MPO: variants seen among roughly 807,000 people sequenced by gnomAD.
MPO encodes myeloperoxidase.
Under a neutral mutation model 69.4 loss-of-function variants are expected in MPO, and 57 were observed. The observed-to-expected ratio is 0.82, with a 90% confidence interval of 0.66 to 1.02. MPO has a LOEUF of 1.02. Among genes scored for constraint, MPO ranks in the 50% least tolerant of loss-of-function variants. The pLI, the probability that MPO is intolerant of heterozygous loss-of-function variation, is 0.00. For synonymous variants in MPO, 426 were observed against 417.1 expected, an observed-to-expected ratio of 1.02 and a Z score of -0.26; for missense variants, 971 against 1,014.1, an observed-to-expected ratio of 0.96 and a Z score of 0.58.
Position 58,271,822 on chromosome 17 carries a change from C to T in MPO, c.1863G>A (p.Leu621=). ...PETVGQLGTV[L]RNLKLARKLM... ...GTTTCCTCGCCAATTTCAGGTTCCT[C>T]AGCACCGTGCCCAGCTGGCCCACAG... The change falls in exon 11 of 12, where the codon CTG becomes CTA. Residue 621 remains leucine (L), a synonymous_variant. Coordinates refer to ENST00000225275, the MANE Select transcript of MPO (RefSeq NM_000250.2). The T allele has an allele frequency of 6.2e-7, 1 of 1,614,234 alleles. No homozygotes were observed. The highest frequency in any genetic ancestry group is 8.5e-7 in the Non-Finnish European group (1 of 1,180,050).
At chr17:58,278,915 G>A (rs1230577465) in intron 6 of MPO, 93 bp downstream of exon 6, 1 of 1,437,756 alleles carries the variant, frequency 7.0e-7, no homozygotes, top group African/African-American at 1.4e-5. Context: ...CTCAGCGTCT[G>A]GGAAAGGAAA....
chr17:58,278,867 C>A, intron 6 of MPO, 141 bp downstream of exon 6: 2 of 1,026,966 alleles, frequency 1.9e-6, no homozygotes, highest in Non-Finnish European at 2.9e-6. Flanking sequence ...AGCTGAGCAG[C>A]CAGTGCTGTG....
At chr17:58,271,200 G>A (rs906232017) in intron 11 of MPO, among the ~76,000 whole-genome samples, 22 of 152,280 alleles carry the variant, frequency 1.4e-4, no homozygotes, top group African/African-American at 5.1e-4. Context: ...AGAGAATCTT[G>A]GGGGTGGTTT....
At position 58,279,150 on chromosome 17, in the gene MPO, C is replaced by A. The variant is rs757797973; in HGVS notation, c.743G>T (p.Arg248Leu). Reference sequence around the variant, plus strand: ...GCCCCATTGCATGAACATGAGTGAGCGCTCCTGGTCCGGAGTCAGCTGATC... The same window carrying A: ...GCCCCATTGCATGAACATGAGTGAGAGCTCCTGGTCCGGAGTCAGCTGATC... Reference protein sequence around the residue: ...PTDQLTPDQERSLMFMQWGQL... With the variant: ...PTDQLTPDQELSLMFMQWGQL... Residue 248 changes from arginine to leucine, a missense_variant, in exon 6 of 12, where the codon CGC (arginine) becomes CTC (leucine). Transcript: ENST00000225275. 1 of 1,612,534 alleles carries A rather than the reference C, an allele frequency of 6.2e-7. No individual in the cohort carries two copies. Among genetic ancestry groups the A allele is most frequent in the Admixed American group, 1.7e-5 (1 of 59,772 alleles).
rs76134279 is a variant in MPO, at chr17:58,275,669, G to A, written c.1238C>T (p.Thr413Ile). 1.9e-6 allele frequency: 3 copies of A among 1,614,210 alleles called. No individual in the cohort carries two copies. Among genetic ancestry groups the A allele is most frequent in the Non-Finnish European group, 2.5e-6 (3 of 1,180,038 alleles). The change falls in exon 8 of 12, where the codon ACC (threonine) becomes ATC (isoleucine). Residue 413 changes from threonine to isoleucine, a missense_variant. Coordinates refer to ENST00000225275, the MANE Select transcript of MPO (RefSeq NM_000250.2). The surrounding 1 kb of genome is among the most constrained non-coding windows in gnomAD (Gnocchi z 4.1). ...CCGAAGTAAGAGGGTGTGCATGGAG[G>A]TGAGCTCGGGCATCTCACTGGAACG... is the stretch of plus-strand genomic sequence containing the variant. ...DTRSSEMPELTSMHTLLLREH... is the reference protein window; with the variant it reads ...DTRSSEMPELISMHTLLLREH...
rs980581452 is a variant in MPO, at chr17:58,279,356, A to G, written c.619T>C (p.Phe207Leu). 6 of 1,589,014 alleles carry G rather than the reference A, an allele frequency of 3.8e-6. No individual in the cohort carries two copies. Among genetic ancestry groups the G allele is most frequent in the East Asian group, 4.6e-5 (2 of 43,822 alleles). Residue 207 changes from phenylalanine (F) to leucine (L), a missense_variant, in exon 5 of 12, where the codon TTC becomes CTC. Physicochemically the swap from Phe to Leu is conservative, Grantham distance 22. Coordinates refer to ENST00000225275, the MANE Select transcript of MPO (RefSeq NM_000250.2). ...GGCGTCCAGCCGTAGGGAAGAGAGA[A>G]GCCGTCCTCATACTCCGCCGGCAGC... ...RWLPAEYEDG[F>L]SLPYGWTPGV...
intron 6 of MPO, 171 bp downstream of exon 6, chr17:58,278,837 G>T (rs1475037521): frequency 6.1e-6 from 5 of 814,248 alleles, no homozygotes; most frequent in Admixed American, 2.2e-5. Flanking sequence ...GAGCCCAGGC[G>T]CAGGAAGGAG....
At position 58,278,165 on chromosome 17, in the gene MPO, T is replaced by C; in HGVS notation, c.886-20A>G. 1 of 1,599,276 alleles carries C rather than the reference T, an allele frequency of 6.3e-7. No individual in the cohort carries two copies. Among genetic ancestry groups the C allele is most frequent in the Non-Finnish European group, 8.5e-7 (1 of 1,179,418 alleles). ...CGGGATCTGAGGCACAGAGAGAGGC[T>C]AGACTGGCTCACCGAGGGCAAGGAA... On this transcript the variant is annotated intron_variant, in intron 6 of 11. Coordinates refer to ENST00000225275, the MANE Select transcript of MPO (RefSeq NM_000250.2).
Position 58,272,910 on chromosome 17 carries a change from C to T in MPO, c.1630G>A (p.Asp544Asn). The T allele has an allele frequency of 6.2e-7, 1 of 1,614,042 alleles. No individual in the cohort carries two copies. The highest frequency in any genetic ancestry group is 8.5e-7 in the Non-Finnish European group (1 of 1,180,012). Residue 544 changes from aspartate to asparagine, a missense_variant, in exon 10 of 12, where the codon GAC becomes AAC. Transcript: ENST00000225275. Reference sequence around the variant, plus strand: ...GCCATGAGGCCCCGGAGGATGGGGTCAATGCCACCTGGGGACCAGAGGAGC... The same window carrying T: ...GCCATGAGGCCCCGGAGGATGGGGTTAATGCCACCTGGGGACCAGAGGAGC... ...SWRVVLEGGI[D>N]PILRGLMATP...
Position 58,279,069 on chromosome 17 carries a change from A to T in MPO, c.824T>A (p.Phe275Tyr). Reference sequence around the variant, plus strand: ...GGTCTCGCAGTTGACGCCAGTGACGAAGGAGGCCCGGGCGGCCGGCTCAGG... The same window carrying T: ...GGTCTCGCAGTTGACGCCAGTGACGTAGGAGGCCCGGGCGGCCGGCTCAGG... The part of the protein sequence containing the change: ...FTPEPAARAS[F>Y]VTGVNCETSC... The change falls in exon 6 of 12, where the codon TTC becomes TAC. Residue 275 changes from phenylalanine (F) to tyrosine (Y), a missense_variant. By Grantham distance (22) the Phe-to-Tyr change is conservative. Coordinates refer to ENST00000225275, the MANE Select transcript of MPO (RefSeq NM_000250.2). 1 of 1,613,142 alleles carries T rather than the reference A, an allele frequency of 6.2e-7. No homozygotes were observed. Among genetic ancestry groups the T allele is most frequent in the Non-Finnish European group, 8.5e-7 (1 of 1,179,756 alleles).
At position 58,278,034 on chromosome 17, in the gene MPO, G is replaced by A; in HGVS notation, c.997C>T (p.Leu333Phe). ...ATGCTGGCGTCCACGAAGGAAGTGA[G>A]CGCGTTGATCTGGTTGCGGATGGTG... Reference protein sequence around the residue: ...NITIRNQINALTSFVDASMVY... With the variant: ...NITIRNQINAFTSFVDASMVY... Residue 333 changes from leucine to phenylalanine, a missense_variant, in exon 7 of 12, where the codon CTC (leucine) becomes TTC (phenylalanine). Physicochemically the swap from Leu to Phe is conservative, Grantham distance 22. Coordinates refer to ENST00000225275, the MANE Select transcript of MPO (RefSeq NM_000250.2). The A allele has an allele frequency of 6.2e-7, 1 of 1,613,786 alleles. No homozygotes were observed. The highest frequency in any genetic ancestry group is 8.5e-7 in the Non-Finnish European group (1 of 1,180,034).
intron 6 of MPO, 65 bp from the exon 7 acceptor site, chr17:58,278,210 A>G: frequency 6.4e-7 from 1 of 1,564,380 alleles, no homozygotes; most frequent in Non-Finnish European, 8.7e-7. Flanking sequence ...GCAGAACTGG[A>G]TCTCCCCCTG....
In MPO at chr17:58,271,690, G is replaced by C. The variant is rs141229223; in HGVS notation, c.1995C>G (p.Ile665Met). 1.9e-6 allele frequency: 3 copies of C among 1,613,948 alleles called. No homozygotes were observed. The South Asian group carries it at 3.3e-5, about 18-fold the overall frequency. ...GRVGPLLACI[I>M]GTQFRKLRDG... is the part of the protein sequence containing the mutation. ...CCCGGAGCTTCCTGAACTGGGTACC[G>C]ATGATGCAGGCGAGGAGTGGGCCCA... is the stretch of plus-strand genomic sequence containing the variant. The change falls in exon 11 of 12, where the codon ATC becomes ATG. Residue 665 changes from isoleucine (I) to methionine (M), a missense_variant. By Grantham distance (10) the Ile-to-Met change is conservative. Coordinates refer to ENST00000225275, the MANE Select transcript of MPO (RefSeq NM_000250.2).
At chr17:58,271,073 C>T (rs1027276766) in intron 11 of MPO, among the ~76,000 whole-genome samples, 1 of 152,194 alleles carries the variant, frequency 6.6e-6, no homozygotes, top group South Asian at 2.1e-4. Flanking sequence ...TGCCCAGTGG[C>T]CTTTCCCTTA....
rs1370090544 is a variant in MPO at position 58,280,656 on chromosome 17, C to G, written c.103G>C (p.Gly35Arg). 4 of 1,614,124 alleles carry G rather than the reference C, an allele frequency of 2.5e-6. No homozygotes were observed. Among genetic ancestry groups the G allele is most frequent in the Non-Finnish European group, 3.4e-6 (4 of 1,180,048 alleles). The change falls in exon 1 of 12, where the codon GGG (glycine) becomes CGG (arginine). Residue 35 changes from glycine to arginine, a missense_variant. Physicochemically the swap from Gly to Arg is moderately radical, Grantham distance 125. Transcript: ENST00000225275. ...AEMKLLLALA[G>R]LLAILATPQP... ...GGCGTGGCCAGAATGGCCAGGAGCCCTGCTAGGGCCAGAAGCAGCTTCATC... is the reference window on the plus strand; with the variant it reads ...GGCGTGGCCAGAATGGCCAGGAGCCGTGCTAGGGCCAGAAGCAGCTTCATC...
Position 58,278,053 on chromosome 17 carries a change from G to A in MPO, c.978C>T (p.Ile326=). ...CPACPGSNIT[I]RNQINALTSF... is the part of the protein sequence containing the mutation. ...AAGTGAGCGCGTTGATCTGGTTGCGGATGGTGATGTTGCTCCCGGGGCAAG... is the reference window on the plus strand; with the variant it reads ...AAGTGAGCGCGTTGATCTGGTTGCGAATGGTGATGTTGCTCCCGGGGCAAG... The change falls in exon 7 of 12, where the codon ATC becomes ATT. Residue 326 remains isoleucine, a synonymous_variant. Coordinates refer to ENST00000225275, the MANE Select transcript of MPO (RefSeq NM_000250.2). The A allele has an allele frequency of 6.2e-7, 1 of 1,613,226 alleles. No homozygotes were observed.
intron 6 of MPO, 149 bp from the exon 7 acceptor site, chr17:58,278,294 C>T: frequency 1.2e-6 from 1 of 829,304 alleles, no homozygotes; most frequent in African/African-American, 1.7e-5. Flanking sequence ...GCCTAGGGCG[C>T]CATCAGCAAC....
rs1970386007 is a variant in MPO at position 58,272,923 on chromosome 17, G to A, written c.1622-5C>T. ...GGAGGATGGGGTCAATGCCACCTGG[G>A]GACCAGAGGAGCCAGGTCAGGGGAA... On this transcript the variant is annotated splice_region_variant and splice_polypyrimidine_tract_variant and intron_variant, in intron 9 of 11. Coordinates refer to ENST00000225275, the MANE Select transcript of MPO (RefSeq NM_000250.2). 1.2e-6 allele frequency: 2 copies of A among 1,613,864 alleles called. No homozygotes were observed. Among genetic ancestry groups the A allele is most frequent in the Non-Finnish European group, 1.7e-6 (2 of 1,180,012 alleles).
chr17:58,278,930 G>T (rs2143979490), intron 6 of MPO, 78 bp downstream of exon 6: 1 of 1,489,174 alleles, frequency 6.7e-7, no homozygotes, highest in Middle Eastern at 2.3e-4. Context: ...AGGAAACCTG[G>T]GCACAGAAGG....
Sources: gnomAD v4.1 joint callset for allele counts (sites outside exome capture counted in the v4.1 genomes callset) on GRCh38, gnomAD v4.1.1 for gene constraint, Gnocchi (gnomAD v3.1) non-coding constraint, MANE v1.5 for transcripts, NCBI Gene and HGNC (gene_info 2026-07-23, HGNC 2026-07-21) for gene names.